MCPH1: variants seen among roughly 807,000 people sequenced by gnomAD.
MCPH1 encodes microcephalin 1, also known as microcephalin.
Under a neutral mutation model 84.5 loss-of-function variants are expected in MCPH1, and 104 were observed. That is an observed-to-expected ratio of 1.23 (90% CI 1.05 to 1.45). The LOEUF is 1.45. MCPH1 is among the 40% of genes most tolerant of loss of function. The probability of loss-of-function intolerance (pLI) is 0.00; values close to 1 mark genes in which losing one functional copy is unlikely to be tolerated. For synonymous variants in MCPH1, 514 were observed against 366.8 expected, an observed-to-expected ratio of 1.40 and a Z score of -4.58; for missense variants, 1,498 against 1,005.7, an observed-to-expected ratio of 1.49 and a Z score of -6.62.
chr8:6,634,186 C>G (rs944616177), intron 13 of MCPH1, among the ~76,000 whole-genome samples: 4 of 152,178 alleles, frequency 2.6e-5, no homozygotes, highest in Admixed American at 6.5e-5. Flanking sequence ...GTAGGCTGAT[C>G]ATGAAACAAG....
In MCPH1 at chr8:6,444,899, AG is replaced by A; in HGVS notation, c.1179del (p.Arg393SerfsTer50). 6.2e-7 allele frequency: 1 copy of A among 1,614,182 alleles called. No individual in the cohort carries two copies. Among genetic ancestry groups the A allele is most frequent in the South Asian group, 1.1e-5 (1 of 91,084 alleles). ...GCTGCAGCTGTGCAGGTCGGAAGAC[AG>A]GCTGCAGCACGTGGCGGGACCTGCC... The part of the protein sequence containing the change: ...PRLQLCRSED[R>X]LQHVAGPALE... On this transcript the variant is annotated frameshift_variant, in exon 8 of 14. Coordinates refer to ENST00000344683, the MANE Select transcript of MCPH1 (RefSeq NM_024596.5). LOFTEE classifies it high-confidence loss of function.
intron 12 of MCPH1, among the ~76,000 whole-genome samples, chr8:6,558,788 G>C (rs958687066): frequency 2.0e-5 from 3 of 151,896 alleles, no homozygotes; most frequent in African/African-American, 4.8e-5. Flanking sequence ...AGTAAACAAA[G>C]ACTACTTGAC....
Position 6,602,793 on chromosome 8 carries a change from C to T in MCPH1, c.2215-18661C>T, listed in dbSNP as rs114946781. On this transcript the variant is annotated intron_variant, in intron 12 of 13. Coordinates refer to ENST00000344683, the MANE Select transcript of MCPH1 (RefSeq NM_024596.5). ...TTTAACTCTGCTCCTGTTCTGACCT[C>T]CCCACTCTCGGAAGCATATTTGCTT... is the stretch of plus-strand genomic sequence containing the variant. Among the ~76,000 whole-genome samples the T allele has an allele frequency of 5.1e-3, 777 of 152,162 alleles. 11 individuals are homozygous for T. Among genetic ancestry groups the T allele is most frequent in the African/African-American group, 0.017 (699 of 41,484 alleles).
At chr8:6,640,301 A>G (rs1386318587) in intron 13 of MCPH1, among the ~76,000 whole-genome samples, 1 of 152,146 alleles carries the variant, frequency 6.6e-6, no homozygotes, top group East Asian at 1.9e-4. Context: ...AGGCTGCAGC[A>G]ATTTACACTA....
At chr8:6,467,895 G>C (rs1423179597) in intron 9 of MCPH1, among the ~76,000 whole-genome samples, 2 of 152,200 alleles carry the variant, frequency 1.3e-5, no homozygotes, top group African/African-American at 4.8e-5. Context: ...ACCATGCCTG[G>C]CCCATGGAGT....
chr8:6,468,372 A>G lies in MCPH1; in HGVS notation c.1936-9222A>G, dbSNP rs57913337. On this transcript the variant is annotated intron_variant, in intron 9 of 13. Transcript: ENST00000344683. ...CAAGCATGACCTGCACCCTTCTCCC[A>G]CACACCCAGACCGCAGGCTTATTCT... Among the ~76,000 whole-genome samples, 189 of 152,180 alleles carry G rather than the reference A, an allele frequency of 1.2e-3. 3 individuals are homozygous for G. The East Asian group carries it at 0.031, about 25-fold the overall frequency.
chr8:6,445,837 G>A, intron 8 of MCPH1: 1 of 1,128,950 alleles, frequency 8.9e-7, no homozygotes. Flanking sequence ...AATAACTGAG[G>A]GGAGTGAAGT....
chr8:6,590,394 T>C (rs1298804965), intron 12 of MCPH1, among the ~76,000 whole-genome samples: 1 of 151,102 alleles, frequency 6.6e-6, no homozygotes, highest in African/African-American at 2.4e-5. Flanking sequence ...TCATAAGCCA[T>C]TGTAACCAAA....
intron 13 of MCPH1, among the ~76,000 whole-genome samples, chr8:6,635,920 A>G (rs566319920): frequency 6.6e-6 from 1 of 152,276 alleles, no homozygotes; most frequent in South Asian, 2.1e-4. Context: ...TGCTGATGCC[A>G]CTGGCTGCTT....
At chr8:6,631,079 G>C (rs1309273702) in intron 13 of MCPH1, among the ~76,000 whole-genome samples, 3 of 152,208 alleles carry the variant, frequency 2.0e-5, no homozygotes, top group Non-Finnish European at 4.4e-5. Flanking sequence ...ATGCCTGATA[G>C]AGGAAAGCCA....
intron 12 of MCPH1, among the ~76,000 whole-genome samples, chr8:6,560,543 C>T (rs1433519566): frequency 3.3e-5 from 5 of 152,162 alleles, no homozygotes; most frequent in African/African-American, 9.6e-5. Flanking sequence ...AATTGCCTTT[C>T]TCAGGTGCAC....
chr8:6,634,331 T>C (rs1348471765), intron 13 of MCPH1, among the ~76,000 whole-genome samples: 1 of 152,254 alleles, frequency 6.6e-6, no homozygotes, highest in Non-Finnish European at 1.5e-5. Flanking sequence ...TCGAAACTCA[T>C]TGACGAGTTT....
rs777654425 is a variant in MCPH1 at position 6,455,259 on chromosome 8, G to C, written c.1935+7G>C. Reference sequence around the variant, plus strand: ...AAGTGGGAGAGGCAAAAAGGTCAGTGTGTAAAAATATTATTTTAAACTTTC... The same window carrying C: ...AAGTGGGAGAGGCAAAAAGGTCAGTCTGTAAAAATATTATTTTAAACTTTC... On this transcript the variant is annotated splice_region_variant and intron_variant, in intron 9 of 13. Transcript: ENST00000344683. 1.3e-6 allele frequency: 2 copies of C among 1,582,220 alleles called. No individual in the cohort carries two copies. Among genetic ancestry groups the C allele is most frequent in the South Asian group, 2.2e-5 (2 of 90,496 alleles).
chr8:6,634,682 G>C (rs1168549849), intron 13 of MCPH1, among the ~76,000 whole-genome samples: 1 of 152,212 alleles, frequency 6.6e-6, no homozygotes, highest in African/African-American at 2.4e-5. Context: ...CAGGCCTCTT[G>C]TGCTCGCTGC....
At chr8:6,622,014 C>G (rs949941427) in intron 13 of MCPH1, 4 of 411,780 alleles carry the variant, frequency 9.7e-6, no homozygotes, top group Non-Finnish European at 9.6e-6. Flanking sequence ...GGGCACCCCT[C>G]TTAGACCCTC....
intron 12 of MCPH1, chr8:6,514,625 G>T: frequency 6.7e-7 from 1 of 1,499,846 alleles, no homozygotes; most frequent in Non-Finnish European, 9.3e-7. Context: ...GATCTTGAAA[G>T]CTATTTTTCA....
chr8:6,409,831 C>T (rs1798287509), intron 2 of MCPH1, among the ~76,000 whole-genome samples: 2 of 152,076 alleles, frequency 1.3e-5, no homozygotes, highest in Admixed American at 1.3e-4. Context: ...CGTCCCATGT[C>T]AGGCATGGTT....
intron 1 of MCPH1, among the ~76,000 whole-genome samples, chr8:6,408,804 C>G (rs78131140): frequency 6.6e-6 from 1 of 152,146 alleles, no homozygotes; most frequent in Non-Finnish European, 1.5e-5. Context: ...CCCAAGTGAT[C>G]CCACTGCCTT....
intron 13 of MCPH1, among the ~76,000 whole-genome samples, chr8:6,629,680 C>T (rs1284838554): frequency 6.6e-6 from 1 of 152,150 alleles, no homozygotes; most frequent in Non-Finnish European, 1.5e-5. Flanking sequence ...AAGCCACCCA[C>T]CCTGTGGCAT....
Sources: allele counts gnomAD v4.1 joint callset (sites outside exome capture counted in the v4.1 genomes callset), GRCh38; gene constraint gnomAD v4.1.1; transcripts MANE v1.5; gene names NCBI Gene and HGNC (gene_info 2026-07-23, HGNC 2026-07-21).